TMX2: variants seen among roughly 807,000 people sequenced by gnomAD.
The protein encoded by TMX2 is thioredoxin related transmembrane protein 2.
In TMX2, 20 loss-of-function variants were observed where a neutral mutation model predicts 33.4. The observed-to-expected ratio is 0.60, with a 90% CI of 0.42 to 0.87. The LOEUF is 0.87. TMX2 is among the 40% of genes least tolerant of loss of function. The pLI is 0.00. For synonymous variants in TMX2, 166 were observed against 140.7 expected, an observed-to-expected ratio of 1.18 and a Z score of -1.27; for missense variants, 340 against 370.7, an observed-to-expected ratio of 0.92 and a Z score of 0.68.
At chr11:57,719,060 C>G (rs1477653295) in intron 1 of TMX2, among the ~76,000 whole-genome samples, 1 of 104,896 alleles carries the variant, frequency 9.5e-6, no homozygotes, top group Non-Finnish European at 1.8e-5. Flanking sequence ...TTTTTTGAGA[C>G]AGAGTCTCAC....
In TMX2 at chr11:57,737,574, G is replaced by A. The variant is rs1357792460; in HGVS notation, c.190-34G>A. The A allele has an allele frequency of 3.1e-6, 5 of 1,589,870 alleles. No homozygotes were observed. The Middle Eastern group carries it at 6.7e-4, about 214-fold the overall frequency. ...CCCACCTAAGTTAGCTCTAGTCACTGCATTCCTGTTATAATACTTCGATTC... is the reference window on the plus strand; with the variant it reads ...CCCACCTAAGTTAGCTCTAGTCACTACATTCCTGTTATAATACTTCGATTC... On this transcript the variant is annotated intron_variant, in intron 1 of 7. Coordinates refer to ENST00000278422, the MANE Select transcript of TMX2 (RefSeq NM_015959.4).
intron 1 of TMX2, among the ~76,000 whole-genome samples, chr11:57,716,771 T>C (rs1947114244): frequency 1.4e-5 from 2 of 138,638 alleles, no homozygotes; most frequent in Admixed American, 7.1e-5. Flanking sequence ...GGCTCCTCAC[T>C]TCCCAGTAGG....
intron 1 of TMX2, among the ~76,000 whole-genome samples, chr11:57,735,752 C>G (rs945568183): frequency 6.6e-6 from 1 of 152,050 alleles, no homozygotes; most frequent in Non-Finnish European, 1.5e-5. Context: ...TCCATAAGAC[C>G]CATGTTCAAA....
chr11:57,720,468 T>A (rs1222789698), intron 1 of TMX2, among the ~76,000 whole-genome samples: 2 of 152,230 alleles, frequency 1.3e-5, no homozygotes, highest in Non-Finnish European at 2.9e-5. Flanking sequence ...TTTAGCATGA[T>A]CTCTACTCAC....
intron 1 of TMX2, among the ~76,000 whole-genome samples, chr11:57,722,724 A>C (rs992995521): frequency 6.6e-6 from 1 of 152,246 alleles, no homozygotes; most frequent in Non-Finnish European, 1.5e-5. Flanking sequence ...TAAAAATCTT[A>C]AAGTCATGTT....
intron 1 of TMX2, chr11:57,718,244 G>T: frequency 6.7e-7 from 1 of 1,501,024 alleles, no homozygotes; most frequent in Non-Finnish European, 9.3e-7. Flanking sequence ...CCATGGACAA[G>T]GTGCCAGGAC....
chr11:57,717,719 G>C (rs1250500222), intron 1 of TMX2, among the ~76,000 whole-genome samples: 1 of 68,154 alleles, frequency 1.5e-5, no homozygotes, highest in Non-Finnish European at 2.7e-5. Flanking sequence ...GAGACCGAGA[G>C]GGAGAGGGGA....
At chr11:57,730,702 C>T (rs543702059) in intron 1 of TMX2, among the ~76,000 whole-genome samples, 2 of 152,306 alleles carry the variant, frequency 1.3e-5, no homozygotes, top group African/African-American at 4.8e-5. Context: ...CGTACCATTG[C>T]ACTCCAGCCT....
At chr11:57,729,300 A>T (rs142256570) in intron 1 of TMX2, among the ~76,000 whole-genome samples, 62 of 152,314 alleles carry the variant, frequency 4.1e-4, no homozygotes, top group Non-Finnish European at 7.1e-4. Context: ...GGTCAAACTG[A>T]AAACTATAGA....
At chr11:57,716,721 C>A in intron 1 of TMX2, among the ~76,000 whole-genome samples, 1 of 147,254 alleles carries the variant, frequency 6.8e-6, no homozygotes, top group Non-Finnish European at 1.5e-5. Flanking sequence ...GGCTGACTCC[C>A]CCACCTCCCT....
chr11:57,715,179 T>C lies in TMX2; in HGVS notation c.189+2372T>C, dbSNP rs374022126. Reference sequence around the variant, plus strand: ...CTTTGGGAGGCTGAGGCGGGTGGATTTCCTGAGCTCAGGAGTTCGAGACCA... The same window carrying C: ...CTTTGGGAGGCTGAGGCGGGTGGATCTCCTGAGCTCAGGAGTTCGAGACCA... On this transcript the variant is annotated intron_variant, in intron 1 of 7. Coordinates refer to ENST00000278422, the MANE Select transcript of TMX2 (RefSeq NM_015959.4). 4.6e-4 allele frequency among the ~76,000 whole-genome samples: 70 copies of C among 152,100 alleles called. No homozygotes were observed. In the East Asian group the frequency reaches 0.011, roughly 24 times the overall value.
intron 1 of TMX2, among the ~76,000 whole-genome samples, chr11:57,716,275 C>A (rs1947015377): frequency 7.2e-6 from 1 of 139,634 alleles, no homozygotes; most frequent in African/African-American, 2.7e-5. Context: ...CCCCCCCCCA[C>A]CTCCCTCCCG....
At chr11:57,718,004 A>C in intron 1 of TMX2, 1 of 807,222 alleles carries the variant, frequency 1.2e-6, no homozygotes, top group South Asian at 1.3e-5. Context: ...CACAGAAGGA[A>C]TGGTCTGGTG....
At chr11:57,725,058 A>C (rs1202382655) in intron 1 of TMX2, among the ~76,000 whole-genome samples, 32 of 149,596 alleles carry the variant, frequency 2.1e-4, no homozygotes, top group African/African-American at 7.6e-4. Flanking sequence ...AAAAAAAAGA[A>C]AGAAAAGAAA....
At chr11:57,714,964 T>TGG (rs1946880190) in intron 1 of TMX2, among the ~76,000 whole-genome samples, 1 of 152,178 alleles carries the variant, frequency 6.6e-6, no homozygotes, top group African/African-American at 2.4e-5. Flanking sequence ...AACATTAGTC[T>TGG]GGAGGTTAGC....
intron 1 of TMX2, chr11:57,718,582 T>A: frequency 1.7e-6 from 1 of 588,908 alleles, no homozygotes; most frequent in Non-Finnish European, 3.1e-6. Flanking sequence ...TTTGCCCAAC[T>A]TTTTATATCT....
intron 1 of TMX2, among the ~76,000 whole-genome samples, chr11:57,723,541 G>A (rs1947776740): frequency 6.7e-6 from 1 of 150,302 alleles, no homozygotes. Flanking sequence ...AGTGGCTCAC[G>A]CCTGTAATCC....
intron 1 of TMX2, among the ~76,000 whole-genome samples, chr11:57,723,360 G>T: frequency 6.6e-6 from 1 of 151,800 alleles, no homozygotes; most frequent in East Asian, 1.9e-4. Context: ...GTATGCACCT[G>T]TAATCCCAGC....
At chr11:57,731,134 T>G (rs1026944147) in intron 1 of TMX2, among the ~76,000 whole-genome samples, 83 of 68,112 alleles carry the variant, frequency 1.2e-3, no homozygotes, top group African/African-American at 2.9e-3. Context: ...TGTTTTTTTT[T>G]TTTTTTTTTT....
Sources: allele counts gnomAD v4.1 joint callset (sites outside exome capture counted in the v4.1 genomes callset), GRCh38; gene constraint gnomAD v4.1.1; transcripts MANE v1.5; gene names NCBI Gene and HGNC (gene_info 2026-07-23, HGNC 2026-07-21).